The following TMEM256 variants were observed in gnomAD, a reference collection of about 807,000 sequenced individuals.
The protein encoded by TMEM256 is UPF0451 protein C17orf61.
TMEM256 carries 14 observed loss-of-function variants against 14.8 expected under a neutral mutation model. That is an observed-to-expected ratio of 0.95 (90% CI 0.63 to 1.48). The LOEUF (loss-of-function observed/expected upper bound fraction) is 1.48. Ranked by LOEUF, TMEM256 falls within the 40% of genes most tolerant of loss-of-function variation. The pLI is 0.00. For missense variants in TMEM256, 146 were observed against 137.9 expected (o/e 1.06, Z -0.30); for synonymous variants, 68 against 60.7 (o/e 1.12, Z -0.56).
chr17:7,403,956 G>C, intron 1 of TMEM256, 44 bp downstream of exon 1: 1 of 1,518,702 alleles, frequency 6.6e-7, no homozygotes, highest in Non-Finnish European at 8.9e-7. Context: ...AGACCCCAGA[G>C]GACGCCCCAA....
chr17:7,403,795 C>CCCCT, intron 1 of TMEM256, 106 bp from the exon 2 acceptor site: 1 of 938,226 alleles, frequency 1.1e-6, no homozygotes, highest in Non-Finnish European at 1.5e-6. Context: ...CCCCCCCCCC[C>CCCCT]GCCCCAGGAA....
intron 2 of TMEM256, 34 bp from the exon 3 acceptor site, chr17:7,403,424 G>T: frequency 6.3e-7 from 1 of 1,596,084 alleles, no homozygotes; most frequent in Non-Finnish European, 8.6e-7. Context: ...GGATGTCGTA[G>T]GCAATACAGG....
In TMEM256 at chr17:7,404,074, G is replaced by A. The variant is rs370370449; in HGVS notation, c.11C>T (p.Pro4Leu). ...GCCCAAGCGGCGGAAAGCTGCAGCT[G>A]GCCCGGCCATAGCTGTAGAACAGGA... MAG[P>L]AAAFRRLGAL... The change falls in exon 1 of 4, where the codon CCA (proline) becomes CTA (leucine). Residue 4 changes from proline to leucine, a missense_variant. Transcript: ENST00000302422. 6.0e-5 allele frequency: 96 copies of A among 1,592,658 alleles called. 2 individuals are homozygous for A. The Middle Eastern group carries it at 2.1e-3, about 36-fold the overall frequency.
intron 1 of TMEM256, 89 bp from the exon 2 acceptor site, chr17:7,403,778 A>AGGGGGGGGGGGGGG: frequency 7.5e-7 from 1 of 1,340,670 alleles, no homozygotes; most frequent in African/African-American, 1.8e-5. Flanking sequence ...ATTGGCGAGA[A>AGGGGGGGGGGGGGG]AGGGCACCCC....
Position 7,404,018 on chromosome 17 carries a change from C to G in TMEM256, c.67G>C (p.Ala23Pro), listed in dbSNP as rs1434891960. Residue 23 changes from alanine to proline, a missense_variant, in exon 1 of 4, where the codon GCT becomes CCT. By Grantham distance (27) the Ala-to-Pro change is conservative. Coordinates refer to ENST00000302422, the MANE Select transcript of TMEM256 (RefSeq NM_152766.5). ...ALSGAAALGF[A>P]SYGAHGAQFP... Reference sequence around the variant, plus strand: ...CCCTGACCGTGCGCCCCGTAGGAAGCGAAGCCTAAGGCCGCAGCTCCGGAC... The same window carrying G: ...CCCTGACCGTGCGCCCCGTAGGAAGGGAAGCCTAAGGCCGCAGCTCCGGAC... 3.1e-6 allele frequency: 5 copies of G among 1,600,400 alleles called. No individual in the cohort carries two copies. The highest frequency in any genetic ancestry group is 2.3e-5 in the East Asian group (1 of 44,412).
At position 7,404,001 on chromosome 17, in the gene TMEM256, G is replaced by A. The variant is rs751095656; in HGVS notation, c.84C>T (p.His28=). The part of the protein sequence containing the change: ...AALGFASYGA[H]GAQFPDAYGK... ...CATCTTCGTCCCCAGCCCCCTGACC[G>A]TGCGCCCCGTAGGAAGCGAAGCCTA... Residue 28 remains histidine (H), a splice_region_variant and synonymous_variant, in exon 1 of 4, where the codon CAC becomes CAT. Coordinates refer to ENST00000302422, the MANE Select transcript of TMEM256 (RefSeq NM_152766.5). The A allele has an allele frequency of 4.4e-6, 7 of 1,590,028 alleles. No individual in the cohort carries two copies. Among genetic ancestry groups the A allele is most frequent in the South Asian group, 1.1e-5 (1 of 87,418 alleles).
intron 1 of TMEM256, 100 bp from the exon 2 acceptor site, chr17:7,403,789 C>CCG: frequency 2.9e-6 from 3 of 1,025,372 alleles, no homozygotes; most frequent in Middle Eastern, 2.8e-4. Context: ...AGGGCACCCC[C>CCG]CCCCCCGCCC....
Position 7,403,174 on chromosome 17 carries a change from G to A in TMEM256, c.234C>T (p.Phe78=). 6.2e-7 allele frequency: 1 copy of A among 1,614,182 alleles called. No individual in the cohort carries two copies. The highest frequency in any genetic ancestry group is 8.5e-7 in the Non-Finnish European group (1 of 1,180,028). The part of the protein sequence containing the change: ...GLLLASGTTL[F]CTSFYYQALS... ...GAGCCTGGTAGTAAAAGCTGGTGCAGAATAAGGTCGTTCCGGAAGCTAGCA... is the reference window on the plus strand; with the variant it reads ...GAGCCTGGTAGTAAAAGCTGGTGCAAAATAAGGTCGTTCCGGAAGCTAGCA... The change falls in exon 4 of 4, where the codon TTC becomes TTT. Residue 78 remains phenylalanine (F), a synonymous_variant. Coordinates refer to ENST00000302422, the MANE Select transcript of TMEM256 (RefSeq NM_152766.5).
intron 1 of TMEM256, 105 bp from the exon 2 acceptor site, chr17:7,403,794 C>CCA (rs1491261744): frequency 3.3e-6 from 3 of 907,946 alleles, no homozygotes; most frequent in African/African-American, 3.8e-5. Context: ...ACCCCCCCCC[C>CCA]CGCCCCAGGA....
At position 7,403,373 on chromosome 17, in the gene TMEM256, G is replaced by C. The variant is rs1286657529; in HGVS notation, c.135C>G (p.Asn45Lys). 5 of 1,614,088 alleles carry C rather than the reference G, an allele frequency of 3.1e-6. No homozygotes were observed. Among genetic ancestry groups the C allele is most frequent in the Non-Finnish European group, 3.4e-6 (4 of 1,180,024 alleles). Residue 45 changes from asparagine to lysine, a missense_variant, in exon 3 of 4, where the codon AAC becomes AAG. Transcript: ENST00000302422. Reference protein sequence around the residue: ...AYGKELFDKANKHHFLHSLAL... With the variant: ...AYGKELFDKAKKHHFLHSLAL... ...CCAGGCTGTGTAAGAAGTGGTGTTT[G>C]TTGGCCTTGTCAAACAGCTGTAAGA...
At chr17:7,403,784 A>ACCT in intron 1 of TMEM256, 95 bp from the exon 2 acceptor site, 1 of 1,027,258 alleles carries the variant, frequency 9.7e-7, no homozygotes, top group Non-Finnish European at 1.3e-6. Context: ...GAGAAAGGGC[A>ACCT]CCCCCCCCCC....
In TMEM256 at chr17:7,403,676, T is replaced by G. The variant is rs757922297; in HGVS notation, c.99A>C (p.Pro33=). 1.2e-6 allele frequency: 2 copies of G among 1,612,968 alleles called. No homozygotes were observed. The highest frequency in any genetic ancestry group is 2.2e-5 in the South Asian group (2 of 91,022). ...ACTTCACCTCCTTCCCGTAGGCATCTGGGAATTGGGCGCCTGTGGAGAAAA... is the reference window on the plus strand; with the variant it reads ...ACTTCACCTCCTTCCCGTAGGCATCGGGGAATTGGGCGCCTGTGGAGAAAA... ...ASYGAHGAQF[P]DAYGKELFDK... The change falls in exon 2 of 4, where the codon CCA becomes CCC. Residue 33 remains proline (P), a synonymous_variant. Coordinates refer to ENST00000302422, the MANE Select transcript of TMEM256 (RefSeq NM_152766.5).
intron 3 of TMEM256, 26 bp downstream of exon 3, chr17:7,403,284 C>G (rs376108983): frequency 8.7e-6 from 14 of 1,613,978 alleles, no homozygotes; most frequent in Non-Finnish European, 1.2e-5. Context: ...GGGGCTTGGT[C>G]AGGGTTAGGC....
intron 1 of TMEM256, 97 bp from the exon 2 acceptor site, chr17:7,403,786 C>CCG: frequency 7.1e-6 from 2 of 280,800 alleles, no homozygotes; most frequent in Non-Finnish European, 1.1e-5. Flanking sequence ...GAAAGGGCAC[C>CCG]CCCCCCCCCG....
Position 7,404,092 on chromosome 17 carries a change from G to C in TMEM256, c.-8C>G, listed in dbSNP as rs757194165. The C allele has an allele frequency of 1.3e-6, 2 of 1,568,584 alleles. No homozygotes were observed. The highest frequency in any genetic ancestry group is 1.2e-5 in the South Asian group (1 of 86,130). ...TGCAGCTGGCCCGGCCATAGCTGTA[G>C]AACAGGACGCACCGGACCAACGCCG... On this transcript the variant is annotated 5_prime_UTR_variant, in exon 1 of 4. Coordinates refer to ENST00000302422, the MANE Select transcript of TMEM256 (RefSeq NM_152766.5).
intron 1 of TMEM256, 98 bp downstream of exon 1, chr17:7,403,902 T>C (rs1443612421): frequency 1.2e-5 from 17 of 1,386,268 alleles, no homozygotes; most frequent in Non-Finnish European, 1.6e-5. Flanking sequence ...GACTGTCTGA[T>C]AAACGAGAGG....
Position 7,404,047 on chromosome 17 carries a change from G to A in TMEM256, c.38C>T (p.Ala13Val), listed in dbSNP as rs1163589235. 1.9e-6 allele frequency: 3 copies of A among 1,601,746 alleles called. No homozygotes were observed. Among genetic ancestry groups the A allele is most frequent in the Non-Finnish European group, 1.7e-6 (2 of 1,174,340 alleles). ...GPAAAFRRLGALSGAAALGFA... is the reference protein window; with the variant it reads ...GPAAAFRRLGVLSGAAALGFA... ...GCCTAAGGCCGCAGCTCCGGACAAG[G>A]CGCCCAAGCGGCGGAAAGCTGCAGC... is the stretch of plus-strand genomic sequence containing the variant. The change falls in exon 1 of 4, where the codon GCC becomes GTC. Residue 13 changes from alanine to valine, a missense_variant. By Grantham distance (64) the Ala-to-Val change is moderately conservative. Coordinates refer to ENST00000302422, the MANE Select transcript of TMEM256 (RefSeq NM_152766.5).
rs369873678 is a variant in TMEM256 at position 7,403,154 on chromosome 17, T to C, written c.254A>G (p.Gln85Arg). The change falls in exon 4 of 4, where the codon CAG becomes CGG. Residue 85 changes from glutamine (Q) to arginine (R), a missense_variant. Transcript: ENST00000302422. ...GATGCTGGGGTCTCCACTCAGAGCC[T>C]GGTAGTAAAAGCTGGTGCAGAATAA... ...TTLFCTSFYY[Q>R]ALSGDPSIQT... 2.5e-6 allele frequency: 4 copies of C among 1,614,122 alleles called. No homozygotes were observed. In the South Asian group the frequency reaches 4.4e-5, roughly 18 times the overall value.
At chr17:7,403,573 T>G in intron 2 of TMEM256, 85 bp downstream of exon 2, 12 of 725,016 alleles carry the variant, frequency 1.7e-5, no homozygotes, top group Non-Finnish European at 2.3e-5. Flanking sequence ...CGCCCCACCC[T>G]CTCCCCGCCC....
Sources: gnomAD v4.1 joint callset for allele counts on GRCh38, gnomAD v4.1.1 for gene constraint, MANE v1.5 for transcripts, NCBI Gene and HGNC (gene_info 2026-07-23, HGNC 2026-07-21) for gene names.